Variants in CNTNAP2 observed in about 807,000 individuals in gnomAD.
CNTNAP2 encodes the protein contactin associated protein 2, also known as contactin-associated protein-like 2.
In CNTNAP2, 98 loss-of-function variants were observed where a neutral mutation model predicts 155.2. The ratio of observed to expected loss-of-function variants is 0.63; its 90% CI spans 0.54 to 0.75. The LOEUF (loss-of-function observed/expected upper bound fraction) is 0.75, where lower values mean the gene tolerates loss of function less well. Among genes scored for constraint, CNTNAP2 ranks in the 30% least tolerant of loss-of-function variants. The probability of loss-of-function intolerance (pLI) is 0.00; values close to 1 mark genes in which losing one functional copy is unlikely to be tolerated. For synonymous variants in CNTNAP2, 651 were observed against 631.2 expected (o/e 1.03, Z -0.47); for missense variants, 1,727 against 1,688.1 (o/e 1.02, Z -0.40).
chr7:147,059,011 C>T (rs568542013), intron 4 of CNTNAP2, among the ~76,000 whole-genome samples: 2 of 152,268 alleles, frequency 1.3e-5, no homozygotes, highest in African/African-American at 4.8e-5. Flanking sequence ...CCACACAATA[C>T]CACTCCTTGG....
At chr7:147,586,191 T>C (rs1800615890) in intron 12 of CNTNAP2, among the ~76,000 whole-genome samples, 1 of 152,068 alleles carries the variant, frequency 6.6e-6, no homozygotes, top group Admixed American at 6.6e-5. Context: ...TAAGGGGTTG[T>C]GGAGACAAAG....
At chr7:148,047,651 C>A (rs1802798489) in intron 15 of CNTNAP2, among the ~76,000 whole-genome samples, 1 of 152,200 alleles carries the variant, frequency 6.6e-6, no homozygotes. Context: ...CCTTGTTCTA[C>A]ATCAGTAGGG....
chr7:148,370,924 C>T (rs1368624450), intron 21 of CNTNAP2, among the ~76,000 whole-genome samples: 1 of 152,164 alleles, frequency 6.6e-6, no homozygotes, highest in Non-Finnish European at 1.5e-5. Context: ...ATCCACAGTT[C>T]CTTCCAGTCT....
At chr7:146,151,907 C>T (rs780160060) in intron 1 of CNTNAP2, among the ~76,000 whole-genome samples, 9 of 150,484 alleles carry the variant, frequency 6.0e-5, no homozygotes, top group Admixed American at 2.0e-4. Flanking sequence ...AACTCTCAAA[C>T]GCTGTTGGGA....
chr7:147,615,315 A>C (rs1444862696), intron 12 of CNTNAP2, among the ~76,000 whole-genome samples: 1 of 133,632 alleles, frequency 7.5e-6, no homozygotes, highest in Non-Finnish European at 1.6e-5. Context: ...AAAAAAGACT[A>C]CATCTCCACC....
chr7:146,667,718 C>CTT (rs35550665), intron 1 of CNTNAP2, among the ~76,000 whole-genome samples: 1 of 150,102 alleles, frequency 6.7e-6, no homozygotes, highest in East Asian at 2.0e-4. Flanking sequence ...TAGGTTTCCT[C>CTT]TTTTTTTTTT....
chr7:146,256,009 G>T (rs1799831044), intron 1 of CNTNAP2, among the ~76,000 whole-genome samples: 1 of 152,168 alleles, frequency 6.6e-6, no homozygotes, highest in Non-Finnish European at 1.5e-5. Context: ...ATCAGTCATG[G>T]ATGAAAACAA....
intron 8 of CNTNAP2, among the ~76,000 whole-genome samples, chr7:147,270,693 A>G (rs1233432036): frequency 6.6e-6 from 1 of 152,222 alleles, no homozygotes; most frequent in Non-Finnish European, 1.5e-5. Context: ...GGTGTTCCAC[A>G]GGCTGTTCCT....
At chr7:147,123,577 A>G (rs13234582) in intron 6 of CNTNAP2, among the ~76,000 whole-genome samples, 31,373 of 152,248 alleles carry the variant, frequency 0.21, 4,188 homozygotes, top group Non-Finnish European at 0.29. Context: ...AAATTAACTG[A>G]CAAAGAATCA....
At chr7:146,762,320 G>C (rs547599444) in intron 1 of CNTNAP2, among the ~76,000 whole-genome samples, 1 of 152,130 alleles carries the variant, frequency 6.6e-6, no homozygotes, top group Non-Finnish European at 1.5e-5. Flanking sequence ...AGAATCCCTG[G>C]CCAGGTGTGG....
chr7:147,709,807 C>A (rs554182589), intron 13 of CNTNAP2, among the ~76,000 whole-genome samples: 1 of 152,238 alleles, frequency 6.6e-6, no homozygotes, highest in South Asian at 2.1e-4. Context: ...CATAAGTAAT[C>A]TTTCTTATTT....
At chr7:147,938,124 T>G (rs1800648036) in intron 14 of CNTNAP2, among the ~76,000 whole-genome samples, 1 of 152,200 alleles carries the variant, frequency 6.6e-6, no homozygotes, top group African/African-American at 2.4e-5. Flanking sequence ...TTCATTTTAT[T>G]TCCACAACAC....
intron 10 of CNTNAP2, among the ~76,000 whole-genome samples, chr7:147,413,752 C>T (rs1490863367): frequency 1.3e-5 from 2 of 152,124 alleles, no homozygotes; most frequent in African/African-American, 4.8e-5. Flanking sequence ...GCTGCAGCTG[C>T]TTGTGGGCCA....
intron 13 of CNTNAP2, among the ~76,000 whole-genome samples, chr7:147,808,289 G>T (rs913774562): frequency 6.6e-6 from 1 of 152,118 alleles, no homozygotes; most frequent in African/African-American, 2.4e-5. Context: ...AAAGGGCAGC[G>T]TCACTTCTAT....
intron 1 of CNTNAP2, among the ~76,000 whole-genome samples, chr7:146,679,683 C>T (rs773920282): frequency 4.1e-4 from 63 of 152,030 alleles, no homozygotes; most frequent in East Asian, 1.4e-3. Flanking sequence ...CCCTTCCTTC[C>T]TCCTTTCCTT....
chr7:148,153,340 G>A (rs1449450080), intron 17 of CNTNAP2, among the ~76,000 whole-genome samples: 2 of 151,900 alleles, frequency 1.3e-5, no homozygotes, highest in African/African-American at 4.8e-5. Context: ...TCTTTTGGAA[G>A]TTGTAAGAAT....
intron 11 of CNTNAP2, among the ~76,000 whole-genome samples, chr7:147,514,040 T>C (rs1039714039): frequency 5.3e-5 from 8 of 152,074 alleles, no homozygotes; most frequent in African/African-American, 1.7e-4. Context: ...ACACCATAAA[T>C]CTACTCAAGC....
At chr7:148,062,391 A>G (rs1803175503) in intron 15 of CNTNAP2, among the ~76,000 whole-genome samples, 1 of 152,118 alleles carries the variant, frequency 6.6e-6, no homozygotes, top group Non-Finnish European at 1.5e-5. Context: ...CAAAATATAT[A>G]AAGCAAAAAT....
chr7:147,164,035 G>A (rs1045119875), intron 8 of CNTNAP2, among the ~76,000 whole-genome samples: 8 of 152,186 alleles, frequency 5.3e-5, no homozygotes, highest in South Asian at 2.1e-4. Context: ...AGAGACTTAC[G>A]TGACAGGTGT....
Sources: allele counts gnomAD v4.1 joint callset (sites outside exome capture counted in the v4.1 genomes callset), GRCh38; gene constraint gnomAD v4.1.1; transcripts MANE v1.5; gene names NCBI Gene and HGNC (gene_info 2026-07-23, HGNC 2026-07-21).